Variants in PIK3CB observed in about 807,000 individuals in gnomAD.
The protein encoded by PIK3CB is phosphatidylinositol 4,5-bisphosphate 3-kinase catalytic subunit beta isoform.
Under a neutral mutation model 136.8 loss-of-function variants are expected in PIK3CB, and 39 were observed. The ratio of observed to expected loss-of-function variants is 0.29; its 90% CI spans 0.22 to 0.37. The LOEUF (loss-of-function observed/expected upper bound fraction) is 0.37, where lower values mean the gene tolerates loss of function less well. PIK3CB is among the 10% of genes least tolerant of loss of function. The pLI, the probability that PIK3CB is intolerant of heterozygous loss-of-function variation, is 1.00. For synonymous variants in PIK3CB, 428 were observed against 436.6 expected (o/e 0.98, Z 0.25); for missense variants, 868 against 1,275.4 (o/e 0.68, Z 4.87).
At chr3:138,766,406 T>C (rs1313739978) in intron 2 of PIK3CB, among the ~76,000 whole-genome samples, 1 of 152,236 alleles carries the variant, frequency 6.6e-6, no homozygotes. Flanking sequence ...ATATCTGTGC[T>C]ATATTTCACA....
intron 1 of PIK3CB, among the ~76,000 whole-genome samples, chr3:138,833,066 ATTTT>A (rs553084744): frequency 7.0e-6 from 1 of 142,938 alleles, no homozygotes; most frequent in African/African-American, 2.6e-5. Context: ...TCTCAAAAAG[ATTTT>A]TTTTTTTTCT....
intron 8 of PIK3CB, among the ~76,000 whole-genome samples, chr3:138,720,199 C>A (rs1048626610): frequency 9.9e-5 from 15 of 152,186 alleles, no homozygotes; most frequent in African/African-American, 3.6e-4. Context: ...TCTCTCCTTC[C>A]CTTCAGCCAC....
At chr3:138,681,940 GAA>G (rs145780817) in intron 19 of PIK3CB, 25 bp downstream of exon 19, 2,137 of 1,134,230 alleles carry the variant, frequency 1.9e-3, no homozygotes, top group South Asian at 2.6e-3. Context: ...ACATTAGACT[GAA>G]AAAAAAAAAA....
chr3:138,732,700 CA>C (rs1250052168), intron 8 of PIK3CB, among the ~76,000 whole-genome samples: 1 of 123,406 alleles, frequency 8.1e-6, no homozygotes, highest in African/African-American at 3.1e-5. Flanking sequence ...TCTCTGTGCT[CA>C]GTTTAAAAGG....
At chr3:138,752,865 T>C (rs1398038992) in intron 4 of PIK3CB, among the ~76,000 whole-genome samples, 1 of 152,230 alleles carries the variant, frequency 6.6e-6, no homozygotes, top group Non-Finnish European at 1.5e-5. Context: ...GTTTTTAGCA[T>C]AAGCACAGCA....
intron 1 of PIK3CB, among the ~76,000 whole-genome samples, chr3:138,799,791 C>T (rs887512559): frequency 6.6e-6 from 1 of 152,116 alleles, no homozygotes; most frequent in Non-Finnish European, 1.5e-5. Flanking sequence ...GATCCTCCCA[C>T]CTCAGCCTCC....
intron 4 of PIK3CB, among the ~76,000 whole-genome samples, chr3:138,752,949 T>C (rs961492574): frequency 2.0e-5 from 3 of 152,312 alleles, no homozygotes; most frequent in South Asian, 2.1e-4. Context: ...TGGTGGCCAA[T>C]GAATCCATGT....
intron 19 of PIK3CB, among the ~76,000 whole-genome samples, chr3:138,670,767 G>C (rs886715649): frequency 6.6e-5 from 10 of 152,008 alleles, no homozygotes; most frequent in African/African-American, 2.2e-4. Flanking sequence ...TTACACAGCT[G>C]CATTAGAAAT....
At chr3:138,751,711 T>C (rs1232181835) in intron 4 of PIK3CB, among the ~76,000 whole-genome samples, 1 of 152,050 alleles carries the variant, frequency 6.6e-6, no homozygotes, top group African/African-American at 2.4e-5. Flanking sequence ...GGCTCACACC[T>C]GTAATCCCAG....
chr3:138,755,605 C>T (rs72990552), intron 4 of PIK3CB, 149 bp downstream of exon 4: 7,340 of 500,732 alleles, frequency 0.015, 469 homozygotes, highest in African/African-American at 0.13. Context: ...AATTTCTATA[C>T]TTACCTTATC....
intron 5 of PIK3CB, among the ~76,000 whole-genome samples, chr3:138,738,808 C>T (rs572810209): frequency 2.4e-4 from 36 of 152,268 alleles, no homozygotes; most frequent in African/African-American, 8.2e-4. Flanking sequence ...CTACTCTGAA[C>T]AACTAACTTA....
intron 10 of PIK3CB, among the ~76,000 whole-genome samples, chr3:138,710,023 CAAA>C (rs34985570): frequency 8.7e-5 from 8 of 91,928 alleles, no homozygotes; most frequent in Admixed American, 4.9e-4. Flanking sequence ...ACAAAAAATA[CAAA>C]AAAAAAAAAA....
intron 1 of PIK3CB, among the ~76,000 whole-genome samples, chr3:138,806,850 C>G (rs2046239671): frequency 6.6e-6 from 1 of 152,160 alleles, no homozygotes; most frequent in African/African-American, 2.4e-5. Flanking sequence ...ATACAAGAAA[C>G]TGGAATATTG....
intron 2 of PIK3CB, among the ~76,000 whole-genome samples, chr3:138,771,512 C>T (rs2045799552): frequency 6.6e-6 from 1 of 152,176 alleles, no homozygotes; most frequent in South Asian, 2.1e-4. Context: ...GCCACCCGCG[C>T]CCGGCCCTAG....
intron 12 of PIK3CB, 76 bp downstream of exon 12, chr3:138,704,367 A>AT: frequency 1.0e-6 from 1 of 995,176 alleles, no homozygotes; most frequent in Non-Finnish European, 1.6e-6. Flanking sequence ...CTGTGAGTTC[A>AT]TTACTATGAG....
At chr3:138,662,511 T>C (rs1301278976) in intron 21 of PIK3CB, among the ~76,000 whole-genome samples, 1 of 150,418 alleles carries the variant, frequency 6.6e-6, no homozygotes, top group East Asian at 2.0e-4. Flanking sequence ...CAGTCTATCA[T>C]TGTTGGACAT....
chr3:138,704,593 A>G (rs1485115666), intron 11 of PIK3CB, 100 bp from the exon 12 acceptor site: 2 of 779,256 alleles, frequency 2.6e-6, no homozygotes, highest in Admixed American at 1.9e-5. Context: ...AAGATCTGGC[A>G]TTGCTATGCT....
intron 19 of PIK3CB, among the ~76,000 whole-genome samples, chr3:138,680,119 G>C (rs1300671910): frequency 6.6e-6 from 1 of 151,990 alleles, no homozygotes; most frequent in Non-Finnish European, 1.5e-5. Flanking sequence ...CAGCACTTTG[G>C]GAGCCCAAGG....
intron 1 of PIK3CB, among the ~76,000 whole-genome samples, chr3:138,817,412 A>T (rs1041642003): frequency 1.3e-5 from 2 of 152,164 alleles, no homozygotes; most frequent in African/African-American, 4.8e-5. Flanking sequence ...GCTACTTGGG[A>T]GGCTGAGGCA....
Sources: gnomAD v4.1 joint callset for allele counts (sites outside exome capture counted in the v4.1 genomes callset) on GRCh38, gnomAD v4.1.1 for gene constraint, MANE v1.5 for transcripts, NCBI Gene and HGNC (gene_info 2026-07-23, HGNC 2026-07-21) for gene names.